Variants in NGEF observed in about 807,000 individuals in gnomAD.
NGEF encodes neuronal guanine nucleotide exchange factor.
In NGEF, 31 loss-of-function variants were observed where a neutral mutation model predicts 80.9. The observed-to-expected ratio is 0.38, with a 90% CI of 0.29 to 0.52. The LOEUF (loss-of-function observed/expected upper bound fraction) is 0.52. NGEF is among the 20% of genes least tolerant of loss of function. The probability of loss-of-function intolerance (pLI) is 0.84; values close to 1 mark genes in which losing one functional copy is unlikely to be tolerated. For missense variants in NGEF, 709 were observed against 926.2 expected, an observed-to-expected ratio of 0.77 and a Z score of 3.04; for synonymous variants, 371 against 370.2, an observed-to-expected ratio of 1.00 and a Z score of -0.03.
At chr2:232,983,842 G>A (rs1041506123) in intron 1 of NGEF, among the ~76,000 whole-genome samples, 2 of 152,146 alleles carry the variant, frequency 1.3e-5, no homozygotes, top group African/African-American at 2.4e-5. Context: ...GCTGAAACCC[G>A]GTGAGATTAA....
At chr2:233,000,395 C>A (rs951524254) in intron 1 of NGEF, among the ~76,000 whole-genome samples, 2 of 152,106 alleles carry the variant, frequency 1.3e-5, no homozygotes, top group Non-Finnish European at 2.9e-5. Flanking sequence ...CCGTGCCCAG[C>A]CTCTTCCTCT....
chr2:232,889,369 G>A (rs974792999), intron 8 of NGEF, among the ~76,000 whole-genome samples: 6 of 152,172 alleles, frequency 3.9e-5, no homozygotes, highest in South Asian at 2.1e-4. Context: ...GCTGCCTGAT[G>A]TGGAGACTTG....
intron 3 of NGEF, among the ~76,000 whole-genome samples, chr2:232,948,750 G>C (rs992981394): frequency 2.0e-5 from 3 of 152,190 alleles, no homozygotes; most frequent in Non-Finnish European, 4.4e-5. Flanking sequence ...AGGCACAGTG[G>C]CTCACGCCTG....
At position 232,887,935 on chromosome 2, in the gene NGEF, A is replaced by G. The variant is rs1415338782; in HGVS notation, c.1347+98T>C. 5 of 926,830 alleles carry G rather than the reference A, an allele frequency of 5.4e-6. No individual in the cohort carries two copies. In the Admixed American group the frequency reaches 1.0e-4, roughly 19 times the overall value. The allele number at this position is 926,830 out of a possible 1,614,324, so 57.4% of individuals were successfully genotyped here. On this transcript the variant is annotated intron_variant, in intron 9 of 14. Coordinates refer to ENST00000264051, the MANE Select transcript of NGEF (RefSeq NM_019850.3). ...TTTTAAAATAAATTTGCATATTCTA[A>G]AAAGACACACGGACATGTGGGGAGC...
intron 1 of NGEF, among the ~76,000 whole-genome samples, chr2:232,976,267 C>A (rs749398973): frequency 6.6e-6 from 1 of 152,148 alleles, no homozygotes; most frequent in African/African-American, 2.4e-5. Flanking sequence ...CAGTGTTCTA[C>A]GATTCATCAG....
At chr2:232,904,815 G>A (rs1042231684) in intron 5 of NGEF, among the ~76,000 whole-genome samples, 8 of 151,984 alleles carry the variant, frequency 5.3e-5, no homozygotes, top group Admixed American at 3.9e-4. Context: ...GAGTGGTGGT[G>A]CACACCTGTA....
chr2:232,952,694 G>A (rs549767387), intron 3 of NGEF, among the ~76,000 whole-genome samples: 13 of 152,170 alleles, frequency 8.5e-5, no homozygotes, highest in African/African-American at 1.7e-4. Context: ...TGAGCCGGGC[G>A]CAGTGACTCA....
intron 1 of NGEF, among the ~76,000 whole-genome samples, chr2:232,977,036 T>C (rs1428143642): frequency 6.6e-6 from 1 of 152,212 alleles, no homozygotes; most frequent in African/African-American, 2.4e-5. Context: ...GCTTGTCTTA[T>C]GTGTGGCAAA....
At position 232,880,034 on chromosome 2, in the gene NGEF, G is replaced by A. The variant is rs369951252; in HGVS notation, c.1943-355C>T. Among the ~76,000 whole-genome samples, 790 of 152,328 alleles carry A rather than the reference G, an allele frequency of 5.2e-3. 4 individuals carry two copies. The highest frequency in any genetic ancestry group is 0.018 in the African/African-American group (764 of 41,572). Reference sequence around the variant, plus strand: ...TGGAGGCATTCAAGGGGCTGGTGGGGGTGGCAGCCGAGCACGTGGTTAGCT... The same window carrying A: ...TGGAGGCATTCAAGGGGCTGGTGGGAGTGGCAGCCGAGCACGTGGTTAGCT... On this transcript the variant is annotated intron_variant, in intron 14 of 14. Coordinates refer to ENST00000264051, the MANE Select transcript of NGEF (RefSeq NM_019850.3).
intron 1 of NGEF, among the ~76,000 whole-genome samples, chr2:233,008,716 T>C (rs1695139931): frequency 6.6e-6 from 1 of 152,232 alleles, no homozygotes; most frequent in African/African-American, 2.4e-5. Context: ...CATTAACTAA[T>C]AGTGAATTGG....
At chr2:232,963,162 A>G (rs1158189739) in intron 3 of NGEF, among the ~76,000 whole-genome samples, 1 of 152,032 alleles carries the variant, frequency 6.6e-6, no homozygotes, top group Non-Finnish European at 1.5e-5. Context: ...ATAAAGCAAC[A>G]GTATTTAAGA....
intron 3 of NGEF, among the ~76,000 whole-genome samples, chr2:232,949,678 C>T (rs979886149): frequency 2.1e-4 from 31 of 150,682 alleles, no homozygotes; most frequent in Non-Finnish European, 2.7e-4. Flanking sequence ...GGGGTTTCTC[C>T]GTGTTGGTCA....
intron 1 of NGEF, among the ~76,000 whole-genome samples, chr2:233,005,456 C>A (rs1220090112): frequency 6.6e-6 from 1 of 152,216 alleles, no homozygotes; most frequent in Non-Finnish European, 1.5e-5. Context: ...CTCCTTCCAG[C>A]GTGGATGCCC....
chr2:232,948,265 G>A (rs1693603947), intron 3 of NGEF, among the ~76,000 whole-genome samples: 1 of 151,786 alleles, frequency 6.6e-6, no homozygotes. Context: ...TTGGCTCACT[G>A]CAACCCCCGC....
intron 3 of NGEF, among the ~76,000 whole-genome samples, chr2:232,956,367 G>T (rs563911059): frequency 1.8e-4 from 28 of 152,214 alleles, no homozygotes; most frequent in African/African-American, 5.1e-4. Context: ...GAATTCAAAA[G>T]AATTAGAAAA....
chr2:232,899,106 G>A (rs890842146), intron 5 of NGEF, among the ~76,000 whole-genome samples: 3 of 151,842 alleles, frequency 2.0e-5, no homozygotes, highest in African/African-American at 4.8e-5. Flanking sequence ...TATGTATGAA[G>A]GTGGGTGTGA....
At chr2:232,988,653 G>A (rs530632693) in intron 1 of NGEF, among the ~76,000 whole-genome samples, 23 of 152,310 alleles carry the variant, frequency 1.5e-4, no homozygotes, top group African/African-American at 5.3e-4. Flanking sequence ...ACTGTAGGGA[G>A]TGTCCTGGGT....
chr2:233,000,362 G>C (rs1413411731), intron 1 of NGEF, among the ~76,000 whole-genome samples: 1 of 152,118 alleles, frequency 6.6e-6, no homozygotes, highest in Non-Finnish European at 1.5e-5. Context: ...CTCCCAAAGT[G>C]CTGGGATTGC....
intron 3 of NGEF, among the ~76,000 whole-genome samples, chr2:232,955,319 C>T (rs1161577356): frequency 6.6e-6 from 1 of 152,178 alleles, no homozygotes; most frequent in African/African-American, 2.4e-5. Context: ...ATAACCCAAA[C>T]ACAACCATCA....
Sources: gnomAD v4.1 joint callset for allele counts (sites outside exome capture counted in the v4.1 genomes callset) on GRCh38, gnomAD v4.1.1 for gene constraint, MANE v1.5 for transcripts, NCBI Gene and HGNC (gene_info 2026-07-23, HGNC 2026-07-21) for gene names.